Variants in PTPRM observed in about 807,000 individuals in gnomAD.
The protein encoded by PTPRM is protein tyrosine phosphatase receptor type M.
A neutral mutation model predicts 186.7 loss-of-function variants in PTPRM; 47 were observed. The ratio of observed to expected loss-of-function variants is 0.25; its 90% confidence interval spans 0.20 to 0.32. PTPRM has a LOEUF of 0.32. Among genes scored for constraint, PTPRM ranks in the 10% least tolerant of loss-of-function variants. PTPRM has a pLI of 1.00. For synonymous variants in PTPRM, 668 were observed against 674.9 expected (o/e 0.99, Z 0.16); for missense variants, 1,494 against 1,865.0 (o/e 0.80, Z 3.66).
At chr18:7,676,704 CGCGCAT>C (rs537182716) in intron 1 of PTPRM, among the ~76,000 whole-genome samples, 44 of 151,572 alleles carry the variant, frequency 2.9e-4, no homozygotes, top group Non-Finnish European at 5.2e-4. Flanking sequence ...TGCACGCGCA[CGCGCAT>C]GGATTAGGTG....
intron 7 of PTPRM, among the ~76,000 whole-genome samples, chr18:8,005,821 GT>G (rs1375340769): frequency 5.3e-5 from 8 of 152,090 alleles, no homozygotes; most frequent in Non-Finnish European, 8.8e-5. Context: ...GCCTCAATCT[GT>G]CTTTTGTATT....
At chr18:8,154,764 C>T (rs1383283717) in intron 14 of PTPRM, 9 of 152,184 alleles carry the variant, frequency 5.9e-5, no homozygotes. Flanking sequence ...TAAAAACTGA[C>T]ATGACCATCA....
chr18:8,342,176 G>A (rs777883987), intron 22 of PTPRM, among the ~76,000 whole-genome samples: 15 of 152,362 alleles, frequency 9.8e-5, no homozygotes, highest in Non-Finnish European at 1.8e-4. Flanking sequence ...GGGATGGGGA[G>A]TGACTGAAGG....
At chr18:7,803,252 A>C (rs1345110956) in intron 2 of PTPRM, among the ~76,000 whole-genome samples, 1 of 152,230 alleles carries the variant, frequency 6.6e-6, no homozygotes, top group Non-Finnish European at 1.5e-5. Context: ...GGAGGTTGGC[A>C]GGGCTGCATT....
chr18:8,027,503 T>A (rs2085645142), intron 7 of PTPRM, among the ~76,000 whole-genome samples: 1 of 152,222 alleles, frequency 6.6e-6, no homozygotes, highest in Admixed American at 6.5e-5. Flanking sequence ...CCTTCATAAG[T>A]CATTTGAGAT....
chr18:8,327,346 C>CG (rs1321682097), intron 22 of PTPRM, among the ~76,000 whole-genome samples: 3 of 152,160 alleles, frequency 2.0e-5, no homozygotes, highest in African/African-American at 7.2e-5. Context: ...CTGTAACCAC[C>CG]CATCAGACAG....
intron 14 of PTPRM, among the ~76,000 whole-genome samples, chr18:8,224,430 G>C (rs373621466): frequency 8.8e-4 from 134 of 152,252 alleles, no homozygotes; most frequent in African/African-American, 3.1e-3. Flanking sequence ...CTATACATTT[G>C]GAACAGTCTC....
chr18:7,668,419 C>T lies in PTPRM; in HGVS notation c.73+100528C>T, dbSNP rs1389719725. On this transcript the variant is annotated intron_variant, in intron 1 of 32. Transcript: ENST00000580170. This position sits in a 1 kb window ranked among gnomAD's most constrained non-coding sequence, Gnocchi z 4.7. ...AGCTCTCAGCTGCAACGGTATTTAA[C>T]ACGTTTTACACATTTTTGTTGGATA... 6.6e-6 allele frequency among the ~76,000 whole-genome samples: 1 copy of T among 152,248 alleles called. No homozygotes were observed. The highest frequency in any genetic ancestry group is 2.4e-5 in the African/African-American group (1 of 41,468).
At position 7,842,802 on chromosome 18, in the gene PTPRM, A is replaced by ATGTG. The variant is rs200344025; in HGVS notation, c.197-45292_197-45289dup. 5.7e-5 allele frequency among the ~76,000 whole-genome samples: 8 copies of ATGTG among 139,214 alleles called. No homozygotes were observed. The East Asian group carries it at 1.5e-3, about 26-fold the overall frequency. 91.3% of individuals were successfully genotyped at this position (139,214 alleles called of 152,430 possible). A position where few individuals can be genotyped will look rare whatever the true frequency, so the allele number is the denominator to read the frequency against. On this transcript the variant is annotated intron_variant, in intron 2 of 32. Transcript: ENST00000580170. ...TCTCTGGCTTTCTGTACATATGTTT[A>ATGTG]TGTGTGTGTGTGTGTATATATATAT...
At chr18:7,635,816 T>C (rs1240756332) in intron 1 of PTPRM, among the ~76,000 whole-genome samples, 1 of 152,216 alleles carries the variant, frequency 6.6e-6, no homozygotes, top group Non-Finnish European at 1.5e-5. Flanking sequence ...ACATTTTCCT[T>C]GCGGAGGCAG....
intron 5 of PTPRM, among the ~76,000 whole-genome samples, chr18:7,928,781 A>G (rs551661584): frequency 1.3e-5 from 2 of 152,354 alleles, no homozygotes; most frequent in South Asian, 4.1e-4. Flanking sequence ...TGTTGAGGAC[A>G]TGATTTGCTC....
At chr18:7,592,079 A>G (rs1299692657) in intron 1 of PTPRM, among the ~76,000 whole-genome samples, 1 of 152,230 alleles carries the variant, frequency 6.6e-6, no homozygotes, top group Non-Finnish European at 1.5e-5. Context: ...TTTGATTTAA[A>G]TTATTTATTG....
At chr18:8,249,200 T>G (rs1326149388) in intron 17 of PTPRM, among the ~76,000 whole-genome samples, 1 of 152,122 alleles carries the variant, frequency 6.6e-6, no homozygotes, top group Non-Finnish European at 1.5e-5. Context: ...ACATGATTTT[T>G]CCCCCCTCTG....
At chr18:8,046,324 A>G (rs2087049731) in intron 7 of PTPRM, among the ~76,000 whole-genome samples, 1 of 152,210 alleles carries the variant, frequency 6.6e-6, no homozygotes, top group South Asian at 2.1e-4. Flanking sequence ...ATATTAGTGA[A>G]ATCTTCACTT....
At chr18:7,768,578 G>A (rs1314703895) in intron 1 of PTPRM, among the ~76,000 whole-genome samples, 2 of 152,020 alleles carry the variant, frequency 1.3e-5, no homozygotes, top group Non-Finnish European at 2.9e-5. Flanking sequence ...TGGAGTAAAT[G>A]TGCAAACTTA....
At chr18:7,888,409 A>G (rs890590822) in intron 3 of PTPRM, 32 bp downstream of exon 3, 2 of 1,534,966 alleles carry the variant, frequency 1.3e-6, no homozygotes, top group Non-Finnish European at 1.7e-6. Context: ...CATATTTTGA[A>G]GCATCCTCTA....
At chr18:7,874,644 G>C (rs1159705899) in intron 2 of PTPRM, among the ~76,000 whole-genome samples, 2 of 151,988 alleles carry the variant, frequency 1.3e-5, no homozygotes, top group African/African-American at 4.8e-5. Context: ...AAGTTATACT[G>C]GGTTCTGAAT....
At chr18:7,610,744 A>G (rs529732305) in intron 1 of PTPRM, among the ~76,000 whole-genome samples, 1 of 152,364 alleles carries the variant, frequency 6.6e-6, no homozygotes, top group African/African-American at 2.4e-5. Flanking sequence ...AAAGTATTAC[A>G]CAATTCTGTT....
In PTPRM at chr18:7,771,664, C is replaced by A. The variant is rs1001052526; in HGVS notation, c.74-2485C>A. On this transcript the variant is annotated intron_variant, in intron 1 of 32. Transcript: ENST00000580170. ...AGGGACACTAATTTCACCATCAGAT[C>A]TGGAGCTAACAACTAAGACAAATCT... Among the ~76,000 whole-genome samples the A allele has an allele frequency of 3.9e-5, 6 of 152,282 alleles. No homozygotes were observed. The South Asian group carries it at 1.2e-3, about 32-fold the overall frequency.
Sources: allele counts gnomAD v4.1 joint callset (sites outside exome capture counted in the v4.1 genomes callset), GRCh38; gene constraint gnomAD v4.1.1; non-coding constraint Gnocchi (gnomAD v3.1); transcripts MANE v1.5; gene names NCBI Gene and HGNC (gene_info 2026-07-23, HGNC 2026-07-21).